TMEM196: variants seen among roughly 807,000 people sequenced by gnomAD.
TMEM196 encodes the protein transmembrane protein 196.
A neutral mutation model predicts 20.0 loss-of-function variants in TMEM196; 17 were observed. That is an observed-to-expected ratio of 0.85 (90% CI 0.58 to 1.27). TMEM196 has a LOEUF of 1.27. TMEM196 is among the 50% of genes most tolerant of loss of function. The probability of loss-of-function intolerance (pLI) is 0.00; values close to 1 mark genes in which losing one functional copy is unlikely to be tolerated. For synonymous variants in TMEM196, 113 were observed against 88.9 expected (o/e 1.27, Z -1.52); for missense variants, 267 against 223.0 (o/e 1.20, Z -1.26).
chr7:19,727,560 C>A (rs1784043826), intron 2 of TMEM196, among the ~76,000 whole-genome samples: 1 of 152,054 alleles, frequency 6.6e-6, no homozygotes, highest in Admixed American at 6.6e-5. Flanking sequence ...GCTCAAGATG[C>A]CTAGTAGAAT....
chr7:19,723,278 A>G (rs547315030), intron 4 of TMEM196, among the ~76,000 whole-genome samples: 17 of 151,786 alleles, frequency 1.1e-4, no homozygotes, highest in Admixed American at 7.2e-4. Flanking sequence ...CCCACCCCCA[A>G]TGATCTTCAA....
Position 19,725,745 on chromosome 7 carries a change from A to T in TMEM196, c.228T>A (p.Cys76Ter). Residue 76 changes from cysteine to a stop codon, truncating the protein, a stop_gained, in exon 3 of 5, where the codon TGT becomes TGA. Coordinates refer to ENST00000405844, the MANE Select transcript of TMEM196 (RefSeq NM_001363562.2). LOFTEE classifies it high-confidence loss of function. Reference sequence around the variant, plus strand: ...GGATGCCCCCAATAAGTCCACAGATACAGCAGGCTGAAAAGAGGATCATCT... The same window carrying T: ...GGATGCCCCCAATAAGTCCACAGATTCAGCAGGCTGAAAAGAGGATCATCT... ...GLVMILFSAC[C>*]ICGLIGGILN... 1.9e-6 allele frequency: 3 copies of T among 1,606,496 alleles called. No homozygotes were observed. Among genetic ancestry groups the T allele is most frequent in the Non-Finnish European group, 2.6e-6 (3 of 1,174,676 alleles).
At chr7:19,729,911 T>G (rs1784134682) in intron 1 of TMEM196, among the ~76,000 whole-genome samples, 1 of 152,144 alleles carries the variant, frequency 6.6e-6, no homozygotes, top group African/African-American at 2.4e-5. Flanking sequence ...ATTGGTACAA[T>G]GACAACCTCC....
At position 19,720,706 on chromosome 7, in the gene TMEM196, A is replaced by G. The variant is rs1408870710; in HGVS notation, c.*1422T>C. 1 of 151,958 alleles carries G rather than the reference A, an allele frequency of 6.6e-6. No homozygotes were observed. The highest frequency in any genetic ancestry group is 1.9e-4 in the East Asian group (1 of 5,204). 9.4% of individuals were successfully genotyped at this position (151,958 alleles called of 1,614,324 possible). ...AGAGGAAAGGATTGAATCTAGCTAT[A>G]CAAATGTTAGCCTATCTTTTCACTT... On this transcript the variant is annotated 3_prime_UTR_variant, in exon 5 of 5. Transcript: ENST00000405844.
Position 19,721,283 on chromosome 7 carries a change from A to C in TMEM196, c.*845T>G, listed in dbSNP as rs922361440. On this transcript the variant is annotated 3_prime_UTR_variant, in exon 5 of 5. Transcript: ENST00000405844. ...ACAGCATCACAATTTCTTTTCTAAT[A>C]CCTATTTACATTCATGTATGCTATA... The C allele has an allele frequency of 6.6e-6, 1 of 151,898 alleles. No homozygotes were observed. The highest frequency in any genetic ancestry group is 2.1e-4 in the South Asian group (1 of 4,824). 9.4% of individuals were successfully genotyped at this position (151,898 alleles called of 1,614,324 possible).
intron 1 of TMEM196, among the ~76,000 whole-genome samples, chr7:19,757,336 G>GATTTTTTT (rs1471029241): frequency 1.1e-5 from 1 of 89,166 alleles, no homozygotes; most frequent in African/African-American, 5.4e-5. Flanking sequence ...ACCACACCCA[G>GATTTTTTT]CTTTTTTTTT....
rs1425372025 is a variant in TMEM196 at position 19,729,436 on chromosome 7, A to T, written c.150T>A (p.Phe50Leu). ...HKPQLGDSSP[F>L]LLCGICGILC... ...ATATTCCACAAATGCCACAAAGAAGAAACTGAAAAGGAAAAGAAGAACAAT... is the reference window on the plus strand; with the variant it reads ...ATATTCCACAAATGCCACAAAGAAGTAACTGAAAAGGAAAAGAAGAACAAT... The change falls in exon 2 of 5, where the codon TTT becomes TTA. Residue 50 changes from phenylalanine to leucine, a missense_variant and splice_region_variant. Physicochemically the swap from Phe to Leu is conservative, Grantham distance 22 (BLOSUM62 0). Transcript: ENST00000405844. The T allele has an allele frequency of 6.4e-7, 1 of 1,550,516 alleles. No individual in the cohort carries two copies. The highest frequency in any genetic ancestry group is 8.7e-7 in the Non-Finnish European group (1 of 1,146,784).
intron 1 of TMEM196, among the ~76,000 whole-genome samples, chr7:19,758,289 A>G (rs1001034185): frequency 2.0e-5 from 3 of 152,222 alleles, no homozygotes; most frequent in Non-Finnish European, 4.4e-5. Context: ...AAAAGATGCC[A>G]AAATTGGTGT....
chr7:19,748,334 C>G (rs1010074910), intron 1 of TMEM196, among the ~76,000 whole-genome samples: 2 of 135,140 alleles, frequency 1.5e-5, no homozygotes, highest in Admixed American at 7.7e-5. Flanking sequence ...GCTTATCAAA[C>G]CAGAATTAGA....
At chr7:19,724,455 A>G (rs1021746606) in intron 3 of TMEM196, 102 bp from the exon 4 acceptor site, 3 of 993,366 alleles carry the variant, frequency 3.0e-6, no homozygotes, top group Admixed American at 2.4e-5. Flanking sequence ...CACTATTCAT[A>G]TATACATATA....
chr7:19,761,092 C>T (rs1785416940), intron 1 of TMEM196, among the ~76,000 whole-genome samples: 1 of 152,202 alleles, frequency 6.6e-6, no homozygotes, highest in African/African-American at 2.4e-5. Flanking sequence ...TCCCTGGGCT[C>T]ACAATCCAGA....
intron 1 of TMEM196, among the ~76,000 whole-genome samples, chr7:19,765,899 G>T (rs1434013658): frequency 1.3e-5 from 2 of 152,122 alleles, no homozygotes; most frequent in Non-Finnish European, 2.9e-5. Flanking sequence ...TCAAACTAGG[G>T]TTGATGAAAG....
chr7:19,749,340 C>A (rs2128029496), intron 1 of TMEM196, among the ~76,000 whole-genome samples: 1 of 152,196 alleles, frequency 6.6e-6, no homozygotes, highest in South Asian at 2.1e-4. Context: ...GTGAATGATT[C>A]ATTTGAATTA....
chr7:19,758,567 A>T (rs1319357074), intron 1 of TMEM196, among the ~76,000 whole-genome samples: 1 of 152,246 alleles, frequency 6.6e-6, no homozygotes, highest in African/African-American at 2.4e-5. Context: ...CTAGCCAGCT[A>T]TGCTGATTCT....
chr7:19,724,737 A>G (rs574629579), intron 3 of TMEM196, among the ~76,000 whole-genome samples: 1 of 145,600 alleles, frequency 6.9e-6, no homozygotes, highest in Non-Finnish European at 1.5e-5. Flanking sequence ...ATGCAATTTT[A>G]TTTCCATGAT....
chr7:19,756,276 C>T (rs550326617), intron 1 of TMEM196, among the ~76,000 whole-genome samples: 15 of 151,262 alleles, frequency 9.9e-5, no homozygotes, highest in African/African-American at 1.7e-4. Flanking sequence ...CAACATAAAA[C>T]GACTTGAGAC....
chr7:19,772,770 C>T lies in TMEM196; in HGVS notation c.-74G>A. 6 of 1,340,446 alleles carry T rather than the reference C, an allele frequency of 4.5e-6. No homozygotes were observed. The South Asian group carries it at 5.6e-5, about 12-fold the overall frequency. The allele number at this position is 1,340,446 out of a possible 1,614,324, so 83.0% of individuals were successfully genotyped here. On this transcript the variant is annotated 5_prime_UTR_variant, in exon 1 of 5. Transcript: ENST00000405844. ...TACCTTTTTTTCTTCCACTATCCTC[C>T]TTACCCCTTCCACCCCCTACCAGAT...
At chr7:19,736,542 T>C (rs1784416034) in intron 1 of TMEM196, among the ~76,000 whole-genome samples, 1 of 151,608 alleles carries the variant, frequency 6.6e-6, no homozygotes, top group Non-Finnish European at 1.5e-5. Context: ...GGGGTAGGAC[T>C]CAGACATCAT....
rs150891643 is a variant in TMEM196, at chr7:19,751,374, G to A, written c.147+21176C>T. Among the ~76,000 whole-genome samples the A allele has an allele frequency of 2.6e-3, 389 of 152,306 alleles. 3 individuals carry two copies. Among genetic ancestry groups the A allele is most frequent in the Admixed American group, 0.022 (341 of 15,292 alleles). ...AGGTTTGGAATATAAAACCAGCACTGCTCTTTAGAACCAAGGCTTAAAAGA... is the reference window on the plus strand; with the variant it reads ...AGGTTTGGAATATAAAACCAGCACTACTCTTTAGAACCAAGGCTTAAAAGA... On this transcript the variant is annotated intron_variant, in intron 1 of 4. Transcript: ENST00000405844.
Sources: gnomAD v4.1 joint callset for allele counts (sites outside exome capture counted in the v4.1 genomes callset) on GRCh38, gnomAD v4.1.1 for gene constraint, MANE v1.5 for transcripts, NCBI Gene and HGNC (gene_info 2026-07-23, HGNC 2026-07-21) for gene names.